GASK1A: variants seen among roughly 807,000 people sequenced by gnomAD.
GASK1A encodes golgi associated kinase 1A, also known as Golgi-associated kinase 1A.
A neutral mutation model predicts 41.2 loss-of-function variants in GASK1A; 40 were observed. The ratio of observed to expected loss-of-function variants is 0.97; its 90% CI spans 0.75 to 1.27. The LOEUF (loss-of-function observed/expected upper bound fraction) is 1.27, where lower values mean the gene tolerates loss of function less well. Ranked by LOEUF, GASK1A falls within the 50% of genes most tolerant of loss-of-function variation. The pLI is 0.00. For synonymous variants in GASK1A, 316 were observed against 307.1 expected (o/e 1.03, Z -0.30); for missense variants, 678 against 745.1 (o/e 0.91, Z 1.05).
At chr3:42,992,659 TC>T (rs1412829941) in intron 1 of GASK1A, among the ~76,000 whole-genome samples, 1 of 152,110 alleles carries the variant, frequency 6.6e-6, no homozygotes, top group African/African-American at 2.4e-5. Context: ...TGGGGATCCA[TC>T]CCTATGACGG....
chr3:43,006,001 T>C (rs963951431), intron 1 of GASK1A, among the ~76,000 whole-genome samples: 2 of 152,228 alleles, frequency 1.3e-5, no homozygotes, highest in Admixed American at 6.5e-5. Flanking sequence ...GGGTAGGGAC[T>C]GCTGTATTAT....
At position 42,983,168 on chromosome 3, in the gene GASK1A, C is replaced by T. The variant is rs535513994; in HGVS notation, c.3+3523C>T. On this transcript the variant is annotated intron_variant, in intron 1 of 4. Coordinates refer to ENST00000430121, the MANE Select transcript of GASK1A (RefSeq NM_001129908.3). The stretch of plus-strand genomic sequence containing the variant: ...TGGGGTTTGTGCTGGGCTAGGTCAC[C>T]GTGTGGCTCTGGGTAAGCGCTGCCT... Among the ~76,000 whole-genome samples, 9 of 152,216 alleles carry T rather than the reference C, an allele frequency of 5.9e-5. No homozygotes were observed. The South Asian group carries it at 8.3e-4, about 14-fold the overall frequency.
intron 1 of GASK1A, among the ~76,000 whole-genome samples, chr3:43,025,579 A>G (rs1394009485): frequency 1.3e-5 from 2 of 152,212 alleles, no homozygotes; most frequent in African/African-American, 2.4e-5. Context: ...TGGTCTTTCC[A>G]GAAGAATGCG....
At chr3:43,050,321 T>TA (rs1374282003) in intron 2 of GASK1A, among the ~76,000 whole-genome samples, 5 of 152,208 alleles carry the variant, frequency 3.3e-5, no homozygotes, top group African/African-American at 7.2e-5. Context: ...CTCTTTTTTT[T>TA]AATTTAATTT....
chr3:43,048,734 G>T (rs2089675225), intron 2 of GASK1A, among the ~76,000 whole-genome samples: 1 of 152,142 alleles, frequency 6.6e-6, no homozygotes, highest in Admixed American at 6.6e-5. Flanking sequence ...CTGCTGCATG[G>T]GTGGGTCAAG....
intron 2 of GASK1A, chr3:43,037,023 C>T (rs1417415753): frequency 6.7e-6 from 3 of 450,052 alleles, no homozygotes; most frequent in Non-Finnish European, 1.2e-5. Flanking sequence ...AAGACTAACA[C>T]ATGAGGCAAG....
intron 1 of GASK1A, among the ~76,000 whole-genome samples, chr3:42,987,168 G>A (rs1489818644): frequency 6.6e-6 from 1 of 152,236 alleles, no homozygotes; most frequent in Non-Finnish European, 1.5e-5. Context: ...TGAACAAAGG[G>A]GCACGAGAGC....
At chr3:43,002,217 A>G (rs1481486986) in intron 1 of GASK1A, among the ~76,000 whole-genome samples, 1 of 152,110 alleles carries the variant, frequency 6.6e-6, no homozygotes, top group Non-Finnish European at 1.5e-5. Context: ...ACGTGACATA[A>G]TTTTCCAACT....
In GASK1A at chr3:43,047,046, A is replaced by G. The variant is rs146732148; in HGVS notation, c.1291-6475A>G. Among the ~76,000 whole-genome samples, 4 of 152,360 alleles carry G rather than the reference A, an allele frequency of 2.6e-5. No individual in the cohort carries two copies. In the East Asian group the frequency reaches 7.7e-4, roughly 29 times the overall value. ...GGAACCCTCATGGAGAACCTTTGCT[A>G]GGGCAATGTGGAAGGGAAATGTGGA... is the stretch of plus-strand genomic sequence containing the variant. On this transcript the variant is annotated intron_variant, in intron 2 of 4. Coordinates refer to ENST00000430121, the MANE Select transcript of GASK1A (RefSeq NM_001129908.3).
chr3:43,034,283 AG>A (rs2089594219), intron 2 of GASK1A, among the ~76,000 whole-genome samples: 1 of 152,228 alleles, frequency 6.6e-6, no homozygotes, highest in South Asian at 2.1e-4. Flanking sequence ...GTGCTGGCTG[AG>A]GTCCCTGAAC....
intron 1 of GASK1A, among the ~76,000 whole-genome samples, chr3:42,980,627 C>G (rs182624396): frequency 6.6e-6 from 1 of 152,086 alleles, no homozygotes; most frequent in Admixed American, 6.5e-5. Flanking sequence ...TCTGTGAGAA[C>G]AGCTCCTTTG....
chr3:43,042,475 C>G (rs948648917), intron 2 of GASK1A, among the ~76,000 whole-genome samples: 2 of 152,088 alleles, frequency 1.3e-5, no homozygotes, highest in African/African-American at 4.8e-5. Flanking sequence ...GAGCCAGACC[C>G]TGTCTCAAAA....
At chr3:43,018,145 G>A (rs1238977752) in intron 1 of GASK1A, among the ~76,000 whole-genome samples, 1 of 152,182 alleles carries the variant, frequency 6.6e-6, no homozygotes, top group Non-Finnish European at 1.5e-5. Flanking sequence ...CCCATGCTTA[G>A]CACCCTCCTA....
chr3:43,017,082 T>G (rs28435122), intron 1 of GASK1A, among the ~76,000 whole-genome samples: 57,693 of 149,038 alleles, frequency 0.39, 11,428 homozygotes, highest in Non-Finnish European at 0.45. Flanking sequence ...TGAAGTCACA[T>G]GAAGTGGCAT....
chr3:43,006,975 G>T, intron 1 of GASK1A, among the ~76,000 whole-genome samples: 1 of 151,766 alleles, frequency 6.6e-6, no homozygotes, highest in African/African-American at 2.4e-5. Flanking sequence ...TCCGGGTTGT[G>T]TACCCCTCAG....
chr3:43,029,662 G>T (rs570414667), intron 1 of GASK1A, among the ~76,000 whole-genome samples: 1 of 152,322 alleles, frequency 6.6e-6, no homozygotes, highest in African/African-American at 2.4e-5. Flanking sequence ...ACTCATGGAG[G>T]TGCTAAGAGG....
chr3:43,002,747 G>A (rs2089416724), intron 1 of GASK1A, among the ~76,000 whole-genome samples: 1 of 152,044 alleles, frequency 6.6e-6, no homozygotes, highest in Admixed American at 6.5e-5. Context: ...ATTAAAATGA[G>A]TTTCAATTGT....
Position 43,032,355 on chromosome 3 carries a change from C to T in GASK1A, c.92C>T (p.Thr31Ile). The T allele has an allele frequency of 1.3e-6, 2 of 1,551,498 alleles. No homozygotes were observed. The highest frequency in any genetic ancestry group is 1.2e-5 in the South Asian group (1 of 84,018). ...LLMILSAMAV[T>I]RFPPQRPSAG... ...ATGATCCTATCTGCGATGGCTGTCA[C>T]CCGCTTTCCCCCACAGCGTCCATCC... The change falls in exon 2 of 5, where the codon ACC becomes ATC. Residue 31 changes from threonine (T) to isoleucine (I), a missense_variant. Transcript: ENST00000430121.
chr3:43,055,049 A>G (rs1306277420), intron 3 of GASK1A, among the ~76,000 whole-genome samples: 2 of 152,212 alleles, frequency 1.3e-5, no homozygotes, highest in Non-Finnish European at 2.9e-5. Flanking sequence ...AAATAGGATC[A>G]GTCCTTTGGC....
Sources: gnomAD v4.1 joint callset for allele counts (sites outside exome capture counted in the v4.1 genomes callset) on GRCh38, gnomAD v4.1.1 for gene constraint, MANE v1.5 for transcripts, NCBI Gene and HGNC (gene_info 2026-07-23, HGNC 2026-07-21) for gene names.